Variants in PLA2G5 observed in about 807,000 individuals in gnomAD.
PLA2G5 encodes Ca2+-dependent phospholipase A2.
In PLA2G5, 12 loss-of-function variants were observed where a neutral mutation model predicts 15.9. The observed-to-expected ratio is 0.76, with a 90% CI of 0.48 to 1.23. The LOEUF (loss-of-function observed/expected upper bound fraction) is 1.23, where lower values mean the gene tolerates loss of function less well. PLA2G5 is among the 50% of genes most tolerant of loss of function. The pLI, the probability that PLA2G5 is intolerant of heterozygous loss-of-function variation, is 0.00. For missense variants in PLA2G5, 169 were observed against 177.1 expected (o/e 0.95, Z 0.26); for synonymous variants, 71 against 71.4 (o/e 0.99, Z 0.03).
intron 1 of PLA2G5, among the ~76,000 whole-genome samples, chr1:20,058,872 A>C (rs2014565472): frequency 6.6e-6 from 1 of 152,076 alleles, no homozygotes; most frequent in African/African-American, 2.4e-5. Context: ...ACTAAACTGA[A>C]TGTTAAAGAT....
chr1:20,083,865 C>T (rs2016157181), intron 1 of PLA2G5, among the ~76,000 whole-genome samples: 1 of 151,656 alleles, frequency 6.6e-6, no homozygotes. Context: ...AAAATGAGAA[C>T]AGTAATACCT....
chr1:20,070,329 C>G lies in PLA2G5; in HGVS notation c.-147C>G. 1 of 985,496 alleles carries G rather than the reference C, an allele frequency of 1.0e-6. No individual in the cohort carries two copies. The highest frequency in any genetic ancestry group is 1.7e-5 in the African/African-American group (1 of 57,372). The allele number at this position is 985,496 out of a possible 1,614,324, so 61.0% of individuals were successfully genotyped here. ...CTGGAGGCCAAGAATTTGACTCCCC[C>G]CGGATCCATGGTCTGTGGATACCAA... On this transcript the variant is annotated 5_prime_UTR_variant, in exon 1 of 5. Coordinates refer to ENST00000375108, the MANE Select transcript of PLA2G5 (RefSeq NM_000929.3).
chr1:20,083,388 A>C (rs1370488310), intron 1 of PLA2G5, among the ~76,000 whole-genome samples: 1 of 151,822 alleles, frequency 6.6e-6, no homozygotes, highest in Non-Finnish European at 1.5e-5. Flanking sequence ...GGGAGGCGCC[A>C]GGGGTTCAGG....
chr1:20,090,890 G>A lies in PLA2G5; in HGVS notation c.*198G>A, dbSNP rs2016537060. ...GTGACTCTGGTCATAGGACTTGGTAGGGTCCCAGGGTCCCTAGGCCTCCAC... is the reference window on the plus strand; with the variant it reads ...GTGACTCTGGTCATAGGACTTGGTAAGGTCCCAGGGTCCCTAGGCCTCCAC... On this transcript the variant is annotated 3_prime_UTR_variant, in exon 5 of 5. Transcript: ENST00000375108. 1.8e-6 allele frequency: 1 copy of A among 549,682 alleles called. No homozygotes were observed. Among genetic ancestry groups the A allele is most frequent in the Non-Finnish European group, 3.2e-6 (1 of 310,306 alleles). The allele number at this position is 549,682 out of a possible 1,614,324, so 34.1% of individuals were successfully genotyped here. A position where few individuals can be genotyped will look rare whatever the true frequency, so the allele number is the denominator to read the frequency against.
At chr1:20,039,874 G>A (rs184299409) in intron 1 of PLA2G5, among the ~76,000 whole-genome samples, 17 of 152,214 alleles carry the variant, frequency 1.1e-4, no homozygotes, top group Admixed American at 3.3e-4. Context: ...TAATGTAACC[G>A]TCTGTAATAT....
At chr1:20,040,679 G>T (rs1437228088) in intron 1 of PLA2G5, among the ~76,000 whole-genome samples, 1 of 151,814 alleles carries the variant, frequency 6.6e-6, no homozygotes, top group South Asian at 2.1e-4. Flanking sequence ...ATATCAACAA[G>T]TATTTTGTAA....
intron 2 of PLA2G5, among the ~76,000 whole-genome samples, chr1:20,062,292 T>C (rs574851378): frequency 6.6e-6 from 1 of 152,294 alleles, no homozygotes; most frequent in African/African-American, 2.4e-5. Context: ...GAATACGAAA[T>C]GGTCTTTCCC....
chr1:20,073,656 G>A lies in PLA2G5; in HGVS notation c.-11+3191G>A, dbSNP rs559275063. Reference sequence around the variant, plus strand: ...CCAGCATTTTGGGAGGCAGAGGCAGGCAGATCATTTGAGGTTGGGAGTTCG... The same window carrying A: ...CCAGCATTTTGGGAGGCAGAGGCAGACAGATCATTTGAGGTTGGGAGTTCG... On this transcript the variant is annotated intron_variant, in intron 1 of 4. Transcript: ENST00000375108. Among the ~76,000 whole-genome samples the A allele has an allele frequency of 4.6e-5, 7 of 152,298 alleles. No homozygotes were observed. In the South Asian group the frequency reaches 1.4e-3, roughly 32 times the overall value.
chr1:20,030,036 G>A (rs192722659), intron 1 of PLA2G5, among the ~76,000 whole-genome samples: 1 of 152,294 alleles, frequency 6.6e-6, no homozygotes, highest in East Asian at 1.9e-4. Flanking sequence ...GTTGAAGGGG[G>A]CCAGCCCCTC....
At chr1:20,034,559 A>G (rs1214819856) in intron 1 of PLA2G5, among the ~76,000 whole-genome samples, 1 of 152,064 alleles carries the variant, frequency 6.6e-6, no homozygotes, top group Non-Finnish European at 1.5e-5. Flanking sequence ...TTGTGGGGAG[A>G]ATTGACAGGC....
rs2016479019 is a variant in PLA2G5, at chr1:20,089,835, G to C, written c.232G>C (p.Gly78Arg). ...DHCYGRLEEK[G>R]CNIRTQSYKY... Reference sequence around the variant, plus strand: ...CTGCTATGGGCGGCTGGAGGAGAAGGGCTGCAACATTCGCACACAGTCCTA... The same window carrying C: ...CTGCTATGGGCGGCTGGAGGAGAAGCGCTGCAACATTCGCACACAGTCCTA... The change falls in exon 4 of 5, where the codon GGC (glycine) becomes CGC (arginine). Residue 78 changes from glycine (G) to arginine (R), a missense_variant. Physicochemically the swap from Gly to Arg is moderately radical, Grantham distance 125. Transcript: ENST00000375108. 1.2e-6 allele frequency: 2 copies of C among 1,614,186 alleles called. No individual in the cohort carries two copies. The highest frequency in any genetic ancestry group is 1.7e-6 in the Non-Finnish European group (2 of 1,180,020).
chr1:20,059,259 C>T (rs1324696032), intron 1 of PLA2G5, among the ~76,000 whole-genome samples: 14 of 151,968 alleles, frequency 9.2e-5, no homozygotes. Context: ...ATAGCAAGAC[C>T]TATTCTCTAC....
intron 1 of PLA2G5, among the ~76,000 whole-genome samples, chr1:20,044,856 AG>A (rs1489929435): frequency 3.9e-5 from 6 of 151,950 alleles, no homozygotes; most frequent in Non-Finnish European, 8.8e-5. Flanking sequence ...TCGGTAGAAA[AG>A]GAAGATAGAA....
Position 20,070,440 on chromosome 1 carries a change from G to A in PLA2G5, c.-36G>A. ...TTGCTCATGGGAGCAGACCTCTAGA[G>A]CAGGATTTGAGGCCAGGCCAAAGAG... On this transcript the variant is annotated 5_prime_UTR_variant, in exon 1 of 5. Coordinates refer to ENST00000375108, the MANE Select transcript of PLA2G5 (RefSeq NM_000929.3). The A allele has an allele frequency of 1.0e-6, 1 of 985,540 alleles. No individual in the cohort carries two copies. The highest frequency in any genetic ancestry group is 4.7e-5 in the South Asian group (1 of 21,288). 61.0% of individuals were successfully genotyped at this position (985,540 alleles called of 1,614,324 possible).
chr1:20,030,564 T>A (rs1289167417), intron 1 of PLA2G5, among the ~76,000 whole-genome samples: 6 of 152,012 alleles, frequency 3.9e-5, no homozygotes, highest in African/African-American at 1.4e-4. Context: ...GAGGCCTTCC[T>A]CTTTCACTAA....
rs387906795 is a variant in PLA2G5, at chr1:20,086,175, G to A, written c.133G>A (p.Gly45Ser). ...KNALTNYGFY[G>S]CYCGWGGRGT... ...CGCCCTGACAAACTACGGCTTCTACGGCTGTTACTGCGGCTGGGGCGGCCG... is the reference window on the plus strand; with the variant it reads ...CGCCCTGACAAACTACGGCTTCTACAGCTGTTACTGCGGCTGGGGCGGCCG... The change falls in exon 3 of 5, where the codon GGC becomes AGC. Residue 45 changes from glycine to serine, a missense_variant. Gly to Ser is a moderately conservative substitution (Grantham distance 56, BLOSUM62 0). Coordinates refer to ENST00000375108, the MANE Select transcript of PLA2G5 (RefSeq NM_000929.3). 1.9e-5 allele frequency: 30 copies of A among 1,614,016 alleles called. No individual in the cohort carries two copies. Among genetic ancestry groups the A allele is most frequent in the Middle Eastern group, 1.6e-4 (1 of 6,084 alleles).
At chr1:20,064,827 C>T (rs1037347060) in intron 2 of PLA2G5, among the ~76,000 whole-genome samples, 5 of 152,060 alleles carry the variant, frequency 3.3e-5, no homozygotes, top group Admixed American at 3.3e-4. Flanking sequence ...CAAGTGTGGA[C>T]CATGTACCAG....
At chr1:20,075,194 GAACTC>G (rs2015600918) in intron 1 of PLA2G5, among the ~76,000 whole-genome samples, 1 of 152,118 alleles carries the variant, frequency 6.6e-6, no homozygotes, top group African/African-American at 2.4e-5. Context: ...TCTTCTTATA[GAACTC>G]AGGTTATCTT....
At chr1:20,070,114 C>T, upstream of PLA2G5, 2 of 768,334 alleles carry the variant, frequency 2.6e-6, no homozygotes, top group Non-Finnish European at 3.2e-6. Context: ...TTGGAATTCT[C>T]TGGGTGACTG....
Sources: gnomAD v4.1 joint callset for allele counts (sites outside exome capture counted in the v4.1 genomes callset) on GRCh38, gnomAD v4.1.1 for gene constraint, MANE v1.5 for transcripts, NCBI Gene and HGNC (gene_info 2026-07-23, HGNC 2026-07-21) for gene names.